CHRNA4: variants seen among roughly 807,000 people sequenced by gnomAD.
The protein encoded by CHRNA4 is cholinergic receptor nicotinic alpha 4 subunit.
CHRNA4 carries 28 observed loss-of-function variants against 48.9 expected under a neutral mutation model. The observed-to-expected ratio is 0.57, with a 90% CI of 0.42 to 0.79. CHRNA4 has a LOEUF of 0.79. CHRNA4 is among the 30% of genes least tolerant of loss of function. The pLI is 0.00. For missense variants in CHRNA4, 859 were observed against 898.4 expected, an observed-to-expected ratio of 0.96 and a Z score of 0.56; for synonymous variants, 425 against 402.3, an observed-to-expected ratio of 1.06 and a Z score of -0.68.
chr20:63,349,958 G>A lies in CHRNA4; in HGVS notation c.1453C>T (p.Arg485Trp), dbSNP rs978124935. ...ACACAGTACTGGATGCTCCGAGACC[G>A]GCACCGGACGCCGCCTTCCACCGCT... is the stretch of plus-strand genomic sequence containing the variant. ...GEAVEGGVRC[R>W]SRSIQYCVPR... The change falls in exon 5 of 6, where the codon CGG (arginine) becomes TGG (tryptophan). Residue 485 changes from arginine (R) to tryptophan (W), a missense_variant. This residue lies in a region of CHRNA4 where 478 missense variants were observed against 455.4 expected (regional missense o/e 1.05). Transcript: ENST00000370263. 33 of 1,567,420 alleles carry A rather than the reference G, an allele frequency of 2.1e-5. No individual in the cohort carries two copies. The highest frequency in any genetic ancestry group is 3.5e-5 in the South Asian group (3 of 86,194).
intron 5 of CHRNA4, among the ~76,000 whole-genome samples, chr20:63,348,148 C>T (rs1482882344): frequency 6.6e-6 from 1 of 152,244 alleles, no homozygotes; most frequent in Non-Finnish European, 1.5e-5. Context: ...CCCCACAAGC[C>T]CAGAACCAGG....
At chr20:63,357,492 G>A (rs2068738611) in intron 2 of CHRNA4, among the ~76,000 whole-genome samples, 2 of 152,226 alleles carry the variant, frequency 1.3e-5, no homozygotes, top group South Asian at 4.1e-4. Flanking sequence ...GCCTGGGCTG[G>A]TTGGAAAAGC....
At position 63,350,187 on chromosome 20, in the gene CHRNA4, G is replaced by A. The variant is rs121912271; in HGVS notation, c.1224C>T (p.Phe408=). 4.4e-6 allele frequency: 7 copies of A among 1,595,670 alleles called. No individual in the cohort carries two copies. In the African/African-American group the frequency reaches 8.0e-5, roughly 18 times the overall value. ...TQSLHPPSPS[F]CVPLDVPAEP... Reference sequence around the variant, plus strand: ...CAGCCGGCACATCCAGGGGGACACAGAAGGACGGTGAGGGCGGGTGCAGGC... The same window carrying A: ...CAGCCGGCACATCCAGGGGGACACAAAAGGACGGTGAGGGCGGGTGCAGGC... The change falls in exon 5 of 6, where the codon TTC becomes TTT. Residue 408 remains phenylalanine, a synonymous_variant. Transcript: ENST00000370263.
intron 1 of CHRNA4, chr20:63,359,912 T>TGCCGG (rs1473094463): frequency 2.3e-5 from 12 of 518,944 alleles, no homozygotes; most frequent in East Asian, 6.9e-5. Flanking sequence ...TGTGTGTGTG[T>TGCCGG]GTGTGTGTGT....
At chr20:63,360,939 T>A in intron 1 of CHRNA4, 151 bp downstream of exon 1, 1 of 603,116 alleles carries the variant, frequency 1.7e-6, no homozygotes, top group Non-Finnish European at 2.5e-6. Context: ...GCGCAGCCTG[T>A]GCGGCTGGGG....
chr20:63,346,892 A>T, intron 5 of CHRNA4, 29 bp from the exon 6 acceptor site: 1 of 1,611,542 alleles, frequency 6.2e-7, no homozygotes, highest in Non-Finnish European at 8.5e-7. Context: ...TCACTCCAGC[A>T]CGGCCCGGCC....
intron 5 of CHRNA4, chr20:63,349,399 G>A: frequency 1.7e-6 from 1 of 588,392 alleles, no homozygotes; most frequent in South Asian, 2.0e-5. Context: ...GGCCCACTGT[G>A]TCCCAAAGCC....
Position 63,355,679 on chromosome 20 carries a change from C to T in CHRNA4, c.383+296G>A, listed in dbSNP as rs1258730572. On this transcript the variant is annotated intron_variant, in intron 4 of 5. Coordinates refer to ENST00000370263, the MANE Select transcript of CHRNA4 (RefSeq NM_000744.7). ...CTGGTCCAGGCAGGGACACTGTGTC[C>T]AGGTGCCATAGCCACTCTCAGGCCC... 7 of 1,022,954 alleles carry T rather than the reference C, an allele frequency of 6.8e-6. No individual in the cohort carries two copies. In the East Asian group the frequency reaches 2.8e-4, roughly 41 times the overall value. The allele number at this position is 1,022,954 out of a possible 1,614,324, so 63.4% of individuals were successfully genotyped here.
At position 63,361,268 on chromosome 20, in the gene CHRNA4, G is replaced by A; in HGVS notation, c.-103C>T. 7.2e-7 allele frequency: 1 copy of A among 1,382,730 alleles called. No individual in the cohort carries two copies. Among genetic ancestry groups the A allele is most frequent in the Non-Finnish European group, 9.3e-7 (1 of 1,069,858 alleles). 85.7% of individuals were successfully genotyped at this position (1,382,730 alleles called of 1,614,324 possible). A position where few individuals can be genotyped will look rare whatever the true frequency, so the allele number is the denominator to read the frequency against. ...TCATGCCTCCCGCGCCTCGCGGGCC[G>A]CTTCGGCCGCCGGGCCCGGTTCGTC... On this transcript the variant is annotated 5_prime_UTR_variant, in exon 1 of 6. Transcript: ENST00000370263.
intron 2 of CHRNA4, among the ~76,000 whole-genome samples, chr20:63,357,302 CCTCAG>C (rs548460175): frequency 6.1e-5 from 1 of 16,510 alleles, no homozygotes; most frequent in East Asian, 6.7e-3. Flanking sequence ...GACCTCATCC[CCTCAG>C]GACCTCATCC....
chr20:63,361,300 T>C lies in CHRNA4; in HGVS notation c.-135A>G, dbSNP rs935025867. The C allele has an allele frequency of 8.0e-7, 1 of 1,255,272 alleles. No individual in the cohort carries two copies. Among genetic ancestry groups the C allele is most frequent in the Non-Finnish European group, 1.0e-6 (1 of 1,003,228 alleles). 77.8% of individuals were successfully genotyped at this position (1,255,272 alleles called of 1,614,324 possible). On this transcript the variant is annotated 5_prime_UTR_variant, in exon 1 of 6. Coordinates refer to ENST00000370263, the MANE Select transcript of CHRNA4 (RefSeq NM_000744.7). ...CCGCCGGGCCCGGTTCGTCTTCTCC[T>C]GTGGGGCGCGGTGCGGCGGCGGCGC...
chr20:63,349,769 TC>T lies in CHRNA4; in HGVS notation c.1641del (p.Thr548ProfsTer17). The T allele has an allele frequency of 6.2e-7, 1 of 1,611,044 alleles. No individual in the cohort carries two copies. Among genetic ancestry groups the T allele is most frequent in the Non-Finnish European group, 8.5e-7 (1 of 1,178,814 alleles). On this transcript the variant is annotated frameshift_variant, in exon 5 of 6. Transcript: ENST00000370263. LOFTEE classifies it high-confidence loss of function. Reference sequence around the variant, plus strand: ...GGGGGCGGCGCTTTGGTGCTGCGGGTCTTGACCGTGGCGCTCGGGGACACCG... The same window carrying T: ...GGGGGCGGCGCTTTGGTGCTGCGGGTTTGACCGTGGCGCTCGGGGACACCG... ...PSSVSPSATV[K>X]TRSTKAPPPH... is the part of the protein sequence containing the mutation.
Position 63,359,508 on chromosome 20 carries a change from G to A in CHRNA4, c.228+40C>T, listed in dbSNP as rs111731490. On this transcript the variant is annotated intron_variant, in intron 2 of 5. Transcript: ENST00000370263. Reference sequence around the variant, plus strand: ...CAGACCCCTGTGCTCCTTGCAGGGCGACCTCAGTCACAGTGCACGATGGCC... The same window carrying A: ...CAGACCCCTGTGCTCCTTGCAGGGCAACCTCAGTCACAGTGCACGATGGCC... 99 of 1,611,572 alleles carry A rather than the reference G, an allele frequency of 6.1e-5. No homozygotes were observed. In the African/African-American group the frequency reaches 1.0e-3, roughly 17 times the overall value.
At chr20:63,352,837 CCCCAGGTCCCACAGCA>C (rs1253508838) in intron 4 of CHRNA4, among the ~76,000 whole-genome samples, 1 of 152,190 alleles carries the variant, frequency 6.6e-6, no homozygotes, top group African/African-American at 2.4e-5. Context: ...GTCCCCCAGC[CCCCAGGTCCCACAGCA>C]CCCCTGGGCT....
chr20:63,346,587 C>T lies in CHRNA4; in HGVS notation c.*151G>A, dbSNP rs972931835. On this transcript the variant is annotated 3_prime_UTR_variant, in exon 6 of 6. Coordinates refer to ENST00000370263, the MANE Select transcript of CHRNA4 (RefSeq NM_000744.7). ...CAGAGGCCGTGTCCCCGTCCAAGGCCGTCTTACAGCAGACACAGAACAGGA... is the reference window on the plus strand; with the variant it reads ...CAGAGGCCGTGTCCCCGTCCAAGGCTGTCTTACAGCAGACACAGAACAGGA... 8 of 1,123,538 alleles carry T rather than the reference C, an allele frequency of 7.1e-6. No homozygotes were observed. The highest frequency in any genetic ancestry group is 2.6e-5 in the East Asian group (1 of 38,890). 69.6% of individuals were successfully genotyped at this position (1,123,538 alleles called of 1,614,324 possible). A position where few individuals can be genotyped will look rare whatever the true frequency, so the allele number is the denominator to read the frequency against.
Position 63,349,841 on chromosome 20 carries a change from C to T in CHRNA4, c.1570G>A (p.Asp524Asn), listed in dbSNP as rs747714718. 4.4e-6 allele frequency: 7 copies of T among 1,596,216 alleles called. No individual in the cohort carries two copies. The highest frequency in any genetic ancestry group is 1.1e-5 in the South Asian group (1 of 89,956). Reference protein sequence around the residue: ...NTHSAELPPPDQPSPCKCTCK... With the variant: ...NTHSAELPPPNQPSPCKCTCK... ...GTGCATTTGCACGGAGAGGGCTGGT[C>T]TGGGGGTGGGAGCTCAGCCGAGTGG... The change falls in exon 5 of 6, where the codon GAC (aspartate) becomes AAC (asparagine). Residue 524 changes from aspartate to asparagine, a missense_variant. Coordinates refer to ENST00000370263, the MANE Select transcript of CHRNA4 (RefSeq NM_000744.7).
Position 63,345,711 on chromosome 20 carries a change from C to T in CHRNA4, c.*1027G>A. 4.4e-6 allele frequency: 2 copies of T among 453,340 alleles called. No homozygotes were observed. The highest frequency in any genetic ancestry group is 8.8e-6 in the Non-Finnish European group (2 of 226,166). 28.1% of individuals were successfully genotyped at this position (453,340 alleles called of 1,614,324 possible). ...TCCCAGGTGGAGGTCCTCAAGGATG[C>T]CCCCACCAGCTCCCCACAGCTACTG... On this transcript the variant is annotated 3_prime_UTR_variant, in exon 6 of 6. Transcript: ENST00000370263. This position sits in a 1 kb window ranked among gnomAD's most constrained non-coding sequence, Gnocchi z 5.4.
intron 4 of CHRNA4, among the ~76,000 whole-genome samples, chr20:63,352,182 C>T (rs1370140390): frequency 6.6e-6 from 1 of 152,214 alleles, no homozygotes; most frequent in Non-Finnish European, 1.5e-5. Context: ...TGAGAGCCTG[C>T]TCAAAGGCCA....
intron 4 of CHRNA4, among the ~76,000 whole-genome samples, chr20:63,352,446 T>C (rs1261928689): frequency 6.6e-6 from 1 of 152,074 alleles, no homozygotes; most frequent in East Asian, 1.9e-4. Context: ...GGGCTGCCGC[T>C]CAGCTGCAGA....
Sources: allele counts gnomAD v4.1 joint callset (sites outside exome capture counted in the v4.1 genomes callset), GRCh38; gene constraint gnomAD v4.1.1; regional missense constraint gnomAD v4.1.1; non-coding constraint Gnocchi (gnomAD v3.1); transcripts MANE v1.5; gene names NCBI Gene and HGNC (gene_info 2026-07-23, HGNC 2026-07-21).